The following DAAM1 variants were observed in gnomAD, a reference collection of about 807,000 sequenced individuals.
DAAM1 encodes the protein disheveled-associated activator of morphogenesis 1.
In DAAM1, 52 loss-of-function variants were observed where a neutral mutation model predicts 130.0. The observed-to-expected ratio is 0.40, with a 90% confidence interval of 0.32 to 0.50. The LOEUF (loss-of-function observed/expected upper bound fraction) is 0.50, where lower values mean the gene tolerates loss of function less well. Among genes scored for constraint, DAAM1 ranks in the 20% least tolerant of loss-of-function variants. The pLI is 0.61. For missense variants in DAAM1, 1,134 were observed against 1,303.8 expected (o/e 0.87, Z 2.01); for synonymous variants, 452 against 444.5 (o/e 1.02, Z -0.21).
At chr14:59,213,921 A>G (rs1476783638) in intron 1 of DAAM1, among the ~76,000 whole-genome samples, 1 of 152,188 alleles carries the variant, frequency 6.6e-6, no homozygotes, top group Admixed American at 6.5e-5. Context: ...GGATTTCACC[A>G]TCTATCAAAG....
intron 3 of DAAM1, among the ~76,000 whole-genome samples, chr14:59,305,809 G>C (rs1884359236): frequency 6.6e-6 from 1 of 152,120 alleles, no homozygotes; most frequent in African/African-American, 2.4e-5. Context: ...TGCTTTTCTG[G>C]GTGTGTGATT....
chr14:59,234,593 C>G (rs1889229821), intron 1 of DAAM1, among the ~76,000 whole-genome samples: 1 of 152,152 alleles, frequency 6.6e-6, no homozygotes, highest in Non-Finnish European at 1.5e-5. Flanking sequence ...TTGACTTCCT[C>G]TCTTCCTATT....
intron 1 of DAAM1, among the ~76,000 whole-genome samples, chr14:59,196,224 C>G (rs573893390): frequency 1.1e-3 from 175 of 152,276 alleles, no homozygotes; most frequent in African/African-American, 4.0e-3. Context: ...AGATAAAGTT[C>G]TGGATATTTG....
chr14:59,257,750 C>T (rs1031002554), intron 1 of DAAM1, among the ~76,000 whole-genome samples: 1 of 152,182 alleles, frequency 6.6e-6, no homozygotes, highest in African/African-American at 2.4e-5. Flanking sequence ...AGCACCCCCA[C>T]GACTCAGCAT....
rs559972395 is a variant in DAAM1, at chr14:59,362,416, T to C, written c.2695-1235T>C. ...TGCTTTACACAAATTAATTATATTG[T>C]TTGAAGGTATCAAAGATGAATATTT... On this transcript the variant is annotated intron_variant, in intron 22 of 24. Transcript: ENST00000360909. The C allele has an allele frequency of 8.5e-5, 13 of 152,312 alleles. No homozygotes were observed. The South Asian group carries it at 2.7e-3, about 32-fold the overall frequency. 9.4% of individuals were successfully genotyped at this position (152,312 alleles called of 1,614,324 possible).
rs149207549 is a variant in DAAM1, at chr14:59,337,742, G to A, written c.1969-2332G>A. On this transcript the variant is annotated intron_variant, in intron 15 of 24. Coordinates refer to ENST00000360909, the MANE Select transcript of DAAM1 (RefSeq NM_001270520.2). ...GGCCACGAATGGCTGCACAACACAC[G>A]TATCACTGATTTTCTCTTAATTGCA... Among the ~76,000 whole-genome samples, 440 of 152,194 alleles carry A rather than the reference G, an allele frequency of 2.9e-3. 3 individuals carry two copies. Among genetic ancestry groups the A allele is most frequent in the Middle Eastern group, 0.027 (8 of 294 alleles).
At chr14:59,254,456 G>C (rs760505592) in intron 1 of DAAM1, among the ~76,000 whole-genome samples, 1 of 152,114 alleles carries the variant, frequency 6.6e-6, no homozygotes, top group Non-Finnish European at 1.5e-5. Flanking sequence ...GTCTTTGTAC[G>C]GTATCTGAGT....
intron 1 of DAAM1, among the ~76,000 whole-genome samples, chr14:59,245,807 T>C (rs1881343747): frequency 6.6e-6 from 1 of 152,208 alleles, no homozygotes; most frequent in African/African-American, 2.4e-5. Flanking sequence ...TGTTGTACAG[T>C]TGAACAGATT....
chr14:59,219,386 G>C (rs755452822), intron 1 of DAAM1, among the ~76,000 whole-genome samples: 1 of 152,060 alleles, frequency 6.6e-6, no homozygotes, highest in Non-Finnish European at 1.5e-5. Flanking sequence ...ATAAACCTCT[G>C]GGGGGACATC....
chr14:59,262,027 C>G (rs1882181662), intron 1 of DAAM1, among the ~76,000 whole-genome samples: 2 of 151,584 alleles, frequency 1.3e-5, no homozygotes, highest in Admixed American at 1.3e-4. Context: ...CCTTCCATCT[C>G]TTGAAGGACC....
rs141203568 is a variant in DAAM1 at position 59,252,871 on chromosome 14, T to C, written c.-37-10570T>C. Among the ~76,000 whole-genome samples, 860 of 152,308 alleles carry C rather than the reference T, an allele frequency of 5.6e-3. 10 individuals carry two copies. The highest frequency in any genetic ancestry group is 0.02 in the African/African-American group (811 of 41,562). On this transcript the variant is annotated intron_variant, in intron 1 of 24. Transcript: ENST00000360909. ...ACTATGCCTGTGAACAGTTTCTCCCTGGGCTAAGAAGCAATCTTCCCCTTG... is the reference window on the plus strand; with the variant it reads ...ACTATGCCTGTGAACAGTTTCTCCCCGGGCTAAGAAGCAATCTTCCCCTTG...
intron 3 of DAAM1, among the ~76,000 whole-genome samples, chr14:59,307,131 G>A (rs887001151): frequency 2.6e-5 from 4 of 152,170 alleles, no homozygotes; most frequent in Non-Finnish European, 5.9e-5. Context: ...ATATCAGATA[G>A]ACTAAATATC....
rs776431844 is a variant in DAAM1 at position 59,368,887 on chromosome 14, G to A, written c.*28G>A. 12 of 1,604,762 alleles carry A rather than the reference G, an allele frequency of 7.5e-6. No homozygotes were observed. Among genetic ancestry groups the A allele is most frequent in the African/African-American group, 1.3e-5 (1 of 74,462 alleles). On this transcript the variant is annotated 3_prime_UTR_variant, in exon 25 of 25. Coordinates refer to ENST00000360909, the MANE Select transcript of DAAM1 (RefSeq NM_001270520.2). Reference sequence around the variant, plus strand: ...TTCCATGAATACTTTTTTTTAGAAAGCTCATTAGCAGCCCTCTAAAGTGAC... The same window carrying A: ...TTCCATGAATACTTTTTTTTAGAAAACTCATTAGCAGCCCTCTAAAGTGAC...
At chr14:59,259,916 C>T (rs1053598036) in intron 1 of DAAM1, among the ~76,000 whole-genome samples, 7 of 152,056 alleles carry the variant, frequency 4.6e-5, no homozygotes, top group Admixed American at 1.3e-4. Context: ...TGGTGGCGGG[C>T]GTCTATAGTC....
intron 16 of DAAM1, among the ~76,000 whole-genome samples, chr14:59,340,389 T>C (rs994683599): frequency 7.2e-5 from 11 of 152,182 alleles, no homozygotes; most frequent in African/African-American, 2.7e-4. Context: ...AAAGTTTAAT[T>C]TCCACAGACC....
At chr14:59,360,738 C>A in intron 21 of DAAM1, 64 bp from the exon 22 acceptor site, 2 of 1,398,766 alleles carry the variant, frequency 1.4e-6, no homozygotes, top group Non-Finnish European at 2.0e-6. Flanking sequence ...AATATTTAAA[C>A]CCATCTTATA....
At chr14:59,212,213 A>G (rs181173710) in intron 1 of DAAM1, among the ~76,000 whole-genome samples, 64 of 152,340 alleles carry the variant, frequency 4.2e-4, no homozygotes, top group Admixed American at 4.1e-3. Flanking sequence ...TTAAAAATAT[A>G]TGACAAAGTA....
intron 1 of DAAM1, among the ~76,000 whole-genome samples, chr14:59,202,869 G>A (rs1888150185): frequency 6.6e-6 from 1 of 152,030 alleles, no homozygotes; most frequent in African/African-American, 2.4e-5. Flanking sequence ...TCTACCTCCT[G>A]TTCTTTTCTT....
rs753736855 is a variant in DAAM1, at chr14:59,345,045, A to G, written c.2076-2494A>G. On this transcript the variant is annotated intron_variant, in intron 16 of 24. Coordinates refer to ENST00000360909, the MANE Select transcript of DAAM1 (RefSeq NM_001270520.2). ...ATTAGTGGCAGTTTCAGCCCTCCCT[A>G]TTGTTACTGTTCCTTGGCCTTGCAT... 9.1e-4 allele frequency among the ~76,000 whole-genome samples: 137 copies of G among 151,292 alleles called. 1 individual carries two copies. The highest frequency in any genetic ancestry group is 1.5e-3 in the Non-Finnish European group (99 of 67,898).
Sources: allele counts gnomAD v4.1 joint callset (sites outside exome capture counted in the v4.1 genomes callset), GRCh38; gene constraint gnomAD v4.1.1; transcripts MANE v1.5; gene names NCBI Gene and HGNC (gene_info 2026-07-23, HGNC 2026-07-21).